The following SANBR variants were observed in gnomAD, a reference collection of about 807,000 sequenced individuals.
The protein encoded by SANBR is SANT and BTB domain regulator of CSR.
SANBR carries 77 observed loss-of-function variants against 101.8 expected under a neutral mutation model. The ratio of observed to expected loss-of-function variants is 0.76; its 90% confidence interval spans 0.63 to 0.91. The LOEUF (loss-of-function observed/expected upper bound fraction) is 0.91. Among genes scored for constraint, SANBR ranks in the 40% least tolerant of loss-of-function variants. SANBR has a pLI of 0.00. For synonymous variants in SANBR, 279 were observed against 274.7 expected (o/e 1.02, Z -0.15); for missense variants, 875 against 853.0 (o/e 1.03, Z -0.32).
At position 61,117,488 on chromosome 2, in the gene SANBR, G is replaced by A. The variant is rs759573468; in HGVS notation, c.1887G>A (p.Lys629=). 2 of 1,613,880 alleles carry A rather than the reference G, an allele frequency of 1.2e-6. No individual in the cohort carries two copies. Among genetic ancestry groups the A allele is most frequent in the South Asian group, 1.1e-5 (1 of 91,078 alleles). The change falls in exon 19 of 22, where the codon AAG becomes AAA. Residue 629 remains lysine (K), a synonymous_variant. Coordinates refer to ENST00000402291, the MANE Select transcript of SANBR (RefSeq NM_001129993.3). ...SPFVMSMQKN[K]WDATRSLRFN... ...ATAGTATGAGTATGCAGAAGAATAA[G>A]TGGGATGCCACAAGATCCTTGAGAT...
rs1681490826 is a variant in SANBR at position 61,071,839 on chromosome 2, G to T, written c.337+47G>T. The stretch of plus-strand genomic sequence containing the variant: ...TAGTACTTGCCCTTATGAAAATTCT[G>T]CAGAATATTATATATTCCAATCAAC... On this transcript the variant is annotated intron_variant, in intron 4 of 21. Transcript: ENST00000402291. The T allele has an allele frequency of 4.2e-6, 5 of 1,199,150 alleles. No individual in the cohort carries two copies. The East Asian group carries it at 1.2e-4, about 30-fold the overall frequency. 74.3% of individuals were successfully genotyped at this position (1,199,150 alleles called of 1,614,324 possible). A position where few individuals can be genotyped will look rare whatever the true frequency, so the allele number is the denominator to read the frequency against.
At chr2:61,085,516 CT>C (rs770973164) in intron 8 of SANBR, among the ~76,000 whole-genome samples, 177 of 146,252 alleles carry the variant, frequency 1.2e-3, no homozygotes, top group Non-Finnish European at 2.0e-3. Context: ...GTTACACTGT[CT>C]TTTTTTTTTT....
chr2:61,072,052 C>T (rs1407097370), intron 4 of SANBR, among the ~76,000 whole-genome samples: 2 of 152,068 alleles, frequency 1.3e-5, no homozygotes, highest in Non-Finnish European at 2.9e-5. Context: ...ATCCTCCTGC[C>T]TCAGCCTCCC....
intron 4 of SANBR, among the ~76,000 whole-genome samples, chr2:61,072,821 CTTTTTTT>C (rs70959893): frequency 3.3e-3 from 104 of 31,656 alleles, no homozygotes; most frequent in African/African-American, 8.9e-3. Flanking sequence ...TCTCATGTTA[CTTTTTTT>C]TTTTTTTTTT....
At chr2:61,087,255 G>T (rs1439114612) in intron 8 of SANBR, among the ~76,000 whole-genome samples, 2 of 152,116 alleles carry the variant, frequency 1.3e-5, no homozygotes, top group Non-Finnish European at 2.9e-5. Flanking sequence ...GCATATTCCA[G>T]TAACAAAGGA....
intron 11 of SANBR, among the ~76,000 whole-genome samples, chr2:61,094,934 T>G (rs968389644): frequency 5.3e-5 from 8 of 152,166 alleles, no homozygotes; most frequent in Non-Finnish European, 8.8e-5. Flanking sequence ...CCTGAGCCAC[T>G]GCGCCCGGCC....
chr2:61,096,131 T>C (rs1683018756), intron 11 of SANBR, among the ~76,000 whole-genome samples: 1 of 152,010 alleles, frequency 6.6e-6, no homozygotes, highest in African/African-American at 2.4e-5. Context: ...CCCGCAACCA[T>C]GACACAAAAA....
chr2:61,091,156 T>C (rs543440016), intron 10 of SANBR, among the ~76,000 whole-genome samples: 5 of 152,106 alleles, frequency 3.3e-5, no homozygotes, highest in African/African-American at 1.2e-4. Flanking sequence ...TTAGAAAAGA[T>C]TGAAATAAAG....
At chr2:61,114,485 G>T (rs1165110637) in intron 16 of SANBR, among the ~76,000 whole-genome samples, 1 of 152,058 alleles carries the variant, frequency 6.6e-6, no homozygotes, top group Non-Finnish European at 1.5e-5. Context: ...AGAGGATTAG[G>T]CTGCCTTCAG....
At chr2:61,133,746 C>CA (rs1684758773) in intron 20 of SANBR, among the ~76,000 whole-genome samples, 1 of 152,008 alleles carries the variant, frequency 6.6e-6, no homozygotes, top group Admixed American at 6.6e-5. Context: ...TATATAGAGA[C>CA]AGACAAGATT....
chr2:61,106,491 A>G (rs557851914), intron 13 of SANBR, 72 bp from the exon 14 acceptor site: 3 of 1,028,440 alleles, frequency 2.9e-6, no homozygotes, highest in Admixed American at 2.3e-5. Flanking sequence ...AACATTTGTA[A>G]TAAAAAGATA....
chr2:61,089,094 C>G lies in SANBR; in HGVS notation c.1088+626C>G, dbSNP rs1012570651. The G allele has an allele frequency of 7.1e-6, 7 of 981,770 alleles. No homozygotes were observed. The African/African-American group carries it at 1.2e-4, about 17-fold the overall frequency. 60.8% of individuals were successfully genotyped at this position (981,770 alleles called of 1,614,324 possible). On this transcript the variant is annotated intron_variant, in intron 10 of 21. Transcript: ENST00000402291. The stretch of plus-strand genomic sequence containing the variant: ...CACTAACAGATTTTAGTTATCTGTA[C>G]AAATGTTATATTGAATTTTACAAGA...
In SANBR at chr2:61,072,821, C is replaced by CTTTTTTTTTTTTTTTTT. The variant is rs70959893; in HGVS notation, c.338-624_338-608dup. 8.8e-4 allele frequency among the ~76,000 whole-genome samples: 28 copies of CTTTTTTTTTTTTTTTTT among 31,656 alleles called. 2 individuals carry two copies. The highest frequency in any genetic ancestry group is 5.4e-3 in the East Asian group (3 of 556). 20.8% of individuals were successfully genotyped at this position (31,656 alleles called of 152,430 possible). ...AGACTCTTGCTTGTCTCTCATGTTACTTTTTTTTTTTTTTTTTTTTTTTTT... is the reference window on the plus strand; with the variant it reads ...AGACTCTTGCTTGTCTCTCATGTTACTTTTTTTTTTTTTTTTTTTTTTTTTTTTTTTTTTTTTTTTTT... On this transcript the variant is annotated intron_variant, in intron 4 of 21. Transcript: ENST00000402291.
At chr2:61,134,412 C>T (rs1391090892) in intron 21 of SANBR, 1 of 836,422 alleles carries the variant, frequency 1.2e-6, no homozygotes, top group Non-Finnish European at 1.8e-6. Flanking sequence ...TTGTTTGCTG[C>T]CTATTGAAAT....
intron 8 of SANBR, among the ~76,000 whole-genome samples, chr2:61,087,158 G>T (rs180931019): frequency 6.6e-6 from 1 of 152,054 alleles, no homozygotes; most frequent in Non-Finnish European, 1.5e-5. Flanking sequence ...AGAAAACAAG[G>T]TTCAAAGAGG....
chr2:61,135,531 G>T (rs1200995263), intron 21 of SANBR, among the ~76,000 whole-genome samples: 1 of 152,202 alleles, frequency 6.6e-6, no homozygotes, highest in Non-Finnish European at 1.5e-5. Flanking sequence ...GTGCAGACAG[G>T]TTGAAAACTA....
At chr2:61,111,130 A>T (rs1392454549) in intron 16 of SANBR, among the ~76,000 whole-genome samples, 4 of 152,094 alleles carry the variant, frequency 2.6e-5, no homozygotes, top group Non-Finnish European at 2.9e-5. Flanking sequence ...GCAGTGGCTC[A>T]CACCTGTAAT....
downstream of SANBR, among the ~76,000 whole-genome samples, chr2:61,128,539 C>T (rs1381317174): frequency 6.6e-6 from 1 of 151,746 alleles, no homozygotes; most frequent in Non-Finnish European, 1.5e-5. Flanking sequence ...CTTGCCCAGG[C>T]TGGAGTGCAG....
intron 4 of SANBR, among the ~76,000 whole-genome samples, chr2:61,072,517 C>T (rs1258426636): frequency 1.3e-5 from 2 of 152,136 alleles, no homozygotes; most frequent in Admixed American, 1.3e-4. Context: ...GTGAAGGTTA[C>T]AGTCAGCTTT....
Sources: gnomAD v4.1 joint callset for allele counts (sites outside exome capture counted in the v4.1 genomes callset) on GRCh38, gnomAD v4.1.1 for gene constraint, MANE v1.5 for transcripts, NCBI Gene and HGNC (gene_info 2026-07-23, HGNC 2026-07-21) for gene names.